The following ARHGAP26 variants were observed in gnomAD, a reference collection of about 807,000 sequenced individuals.
ARHGAP26 encodes rho GTPase-activating protein 26.
Under a neutral mutation model 104.8 loss-of-function variants are expected in ARHGAP26, and 38 were observed. The observed-to-expected ratio is 0.36, with a 90% CI of 0.28 to 0.48. The LOEUF (loss-of-function observed/expected upper bound fraction) is 0.48. Ranked by LOEUF, ARHGAP26 falls within the 20% of genes least tolerant of loss-of-function variation. The pLI is 0.99. For synonymous variants in ARHGAP26, 341 were observed against 340.0 expected (o/e 1.00, Z -0.03); for missense variants, 704 against 947.9 (o/e 0.74, Z 3.38).
intron 19 of ARHGAP26, among the ~76,000 whole-genome samples, chr5:143,135,037 A>G (rs1287242330): frequency 1.3e-5 from 2 of 152,226 alleles, no homozygotes; most frequent in African/African-American, 2.4e-5. Context: ...CCTTGGCTTT[A>G]AGGAGTTCAA....
In ARHGAP26 at chr5:143,134,983, C is replaced by T. The variant is rs140186570; in HGVS notation, c.1837+878C>T. On this transcript the variant is annotated intron_variant, in intron 19 of 22. Coordinates refer to ENST00000645722, the MANE Select transcript of ARHGAP26 (RefSeq NM_001135608.3). Reference sequence around the variant, plus strand: ...AAGGATGGTTCATTCATGCAGCTGACGTTTACACGACACCTACCAGGGACT... The same window carrying T: ...AAGGATGGTTCATTCATGCAGCTGATGTTTACACGACACCTACCAGGGACT... 6.0e-4 allele frequency among the ~76,000 whole-genome samples: 92 copies of T among 152,342 alleles called. 1 individual carries two copies. The highest frequency in any genetic ancestry group is 8.7e-4 in the Non-Finnish European group (59 of 68,032).
At chr5:142,926,320 C>T (rs374585067) in intron 10 of ARHGAP26, among the ~76,000 whole-genome samples, 7 of 152,076 alleles carry the variant, frequency 4.6e-5, no homozygotes, top group Non-Finnish European at 8.8e-5. Context: ...TCCAGATCCT[C>T]GTTCATGATT....
chr5:143,094,069 A>G (rs1391679869), intron 17 of ARHGAP26, among the ~76,000 whole-genome samples: 1 of 152,070 alleles, frequency 6.6e-6, no homozygotes, highest in African/African-American at 2.4e-5. Flanking sequence ...TTTAACCTCC[A>G]AGACATCCCG....
chr5:142,866,284 C>T (rs1334792355), intron 1 of ARHGAP26, among the ~76,000 whole-genome samples: 1 of 152,090 alleles, frequency 6.6e-6, no homozygotes, highest in African/African-American at 2.4e-5. Context: ...GTAAATGAGG[C>T]AATATAGTGT....
chr5:142,978,486 T>C (rs1428136473), intron 11 of ARHGAP26, among the ~76,000 whole-genome samples: 7 of 152,204 alleles, frequency 4.6e-5, no homozygotes, highest in Non-Finnish European at 1.0e-4. Flanking sequence ...CAGTATAGAA[T>C]GGTGGCCAAG....
intron 19 of ARHGAP26, among the ~76,000 whole-genome samples, chr5:143,137,358 G>A (rs1186732566): frequency 6.6e-6 from 1 of 152,200 alleles, no homozygotes; most frequent in African/African-American, 2.4e-5. Context: ...ATTGGGTTCA[G>A]ATATTGTCAG....
Position 143,107,781 on chromosome 5 carries a change from G to C in ARHGAP26, c.1539-13207G>C, listed in dbSNP as rs142989272. 4.4e-3 allele frequency among the ~76,000 whole-genome samples: 665 copies of C among 152,260 alleles called. 5 individuals carry two copies. Among genetic ancestry groups the C allele is most frequent in the African/African-American group, 0.015 (630 of 41,528 alleles). Reference sequence around the variant, plus strand: ...TTCTCTGCCTAATGATAGTTGGTTTGCTCACCTTGGATCTCTGGTTTCTGT... The same window carrying C: ...TTCTCTGCCTAATGATAGTTGGTTTCCTCACCTTGGATCTCTGGTTTCTGT... On this transcript the variant is annotated intron_variant, in intron 17 of 22. Coordinates refer to ENST00000645722, the MANE Select transcript of ARHGAP26 (RefSeq NM_001135608.3).
chr5:142,947,198 A>G (rs1015725322), intron 11 of ARHGAP26: 4 of 151,620 alleles, frequency 2.6e-5, no homozygotes, highest in African/African-American at 9.7e-5. Flanking sequence ...CTTGCAATTA[A>G]CCATTGCTAG....
chr5:143,016,702 CA>C (rs5871833), intron 12 of ARHGAP26, among the ~76,000 whole-genome samples: 23,862 of 126,040 alleles, frequency 0.19, 2,144 homozygotes, highest in East Asian at 0.53. Context: ...GACTCTGTCT[CA>C]AAAAAAAAAA....
At chr5:142,995,907 C>T (rs905125316) in intron 11 of ARHGAP26, among the ~76,000 whole-genome samples, 1 of 152,110 alleles carries the variant, frequency 6.6e-6, no homozygotes, top group Admixed American at 6.5e-5. Flanking sequence ...CAAAGTAACA[C>T]AGGAACAGAA....
intron 6 of ARHGAP26, among the ~76,000 whole-genome samples, chr5:142,895,795 G>A (rs1759397924): frequency 6.6e-6 from 1 of 151,990 alleles, no homozygotes; most frequent in Admixed American, 6.6e-5. Flanking sequence ...GATCAGCCTG[G>A]GCAACTGGGC....
intron 12 of ARHGAP26, among the ~76,000 whole-genome samples, chr5:143,016,451 T>C (rs1779597009): frequency 6.6e-6 from 1 of 152,150 alleles, no homozygotes; most frequent in Admixed American, 6.6e-5. Flanking sequence ...ACGCCTGTAA[T>C]CCCAGCACTT....
At chr5:143,143,407 A>G (rs1229153582) in intron 19 of ARHGAP26, among the ~76,000 whole-genome samples, 1 of 152,196 alleles carries the variant, frequency 6.6e-6, no homozygotes, top group Non-Finnish European at 1.5e-5. Flanking sequence ...CCAGATTTCC[A>G]TGGCAACCCC....
chr5:142,995,811 A>T (rs1481609466), intron 11 of ARHGAP26, among the ~76,000 whole-genome samples: 1 of 152,234 alleles, frequency 6.6e-6, no homozygotes, highest in Non-Finnish European at 1.5e-5. Context: ...GCACATATAC[A>T]CCATGGAATA....
At chr5:142,915,259 G>A (rs1340619199) in intron 10 of ARHGAP26, among the ~76,000 whole-genome samples, 1 of 152,052 alleles carries the variant, frequency 6.6e-6, no homozygotes, top group Non-Finnish European at 1.5e-5. Flanking sequence ...GAGTGGGCTT[G>A]CGAGTCGATT....
chr5:142,929,347 G>A (rs781229520), intron 10 of ARHGAP26, among the ~76,000 whole-genome samples: 1 of 152,180 alleles, frequency 6.6e-6, no homozygotes, highest in Non-Finnish European at 1.5e-5. Flanking sequence ...TGTAAGAGAA[G>A]GTCTCAAAGT....
At chr5:143,074,293 A>T (rs1421345537) in intron 17 of ARHGAP26, among the ~76,000 whole-genome samples, 1 of 152,184 alleles carries the variant, frequency 6.6e-6, no homozygotes, top group Non-Finnish European at 1.5e-5. Flanking sequence ...TCCTACTTAC[A>T]GGTACTGTAA....
chr5:142,838,529 T>A (rs765841676), intron 1 of ARHGAP26, among the ~76,000 whole-genome samples: 1 of 152,230 alleles, frequency 6.6e-6, no homozygotes, highest in Non-Finnish European at 1.5e-5. Context: ...CTGTGTCACC[T>A]CAGACAGGTT....
At chr5:142,838,866 T>C (rs1561928353) in intron 1 of ARHGAP26, among the ~76,000 whole-genome samples, 1 of 152,228 alleles carries the variant, frequency 6.6e-6, no homozygotes, top group African/African-American at 2.4e-5. Context: ...GCTGTAGAAC[T>C]GGATAGGGAC....
Sources: gnomAD v4.1 joint callset for allele counts (sites outside exome capture counted in the v4.1 genomes callset) on GRCh38, gnomAD v4.1.1 for gene constraint, MANE v1.5 for transcripts, NCBI Gene and HGNC (gene_info 2026-07-23, HGNC 2026-07-21) for gene names.